RFTN1: variants seen among roughly 807,000 people sequenced by gnomAD.
The protein encoded by RFTN1 is raftlin.
In RFTN1, 26 loss-of-function variants were observed where a neutral mutation model predicts 46.5. The ratio of observed to expected loss-of-function variants is 0.56; its 90% CI spans 0.41 to 0.78. The LOEUF is 0.78. Ranked by LOEUF, RFTN1 falls within the 30% of genes least tolerant of loss-of-function variation. The pLI, the probability that RFTN1 is intolerant of heterozygous loss-of-function variation, is 0.00. For missense variants in RFTN1, 693 were observed against 718.7 expected, an observed-to-expected ratio of 0.96 and a Z score of 0.41; for synonymous variants, 261 against 284.2, an observed-to-expected ratio of 0.92 and a Z score of 0.82.
At chr3:16,368,531 C>T (rs565533862) in intron 6 of RFTN1, among the ~76,000 whole-genome samples, 204 of 152,168 alleles carry the variant, frequency 1.3e-3, no homozygotes, top group African/African-American at 4.5e-3. Context: ...AATTAGCCTG[C>T]GTGGTGGCGG....
rs769708921 is a variant in RFTN1 at position 16,374,810 on chromosome 3, G to C, written c.826+2908C>G. Among the ~76,000 whole-genome samples, 1 of 152,162 alleles carries C rather than the reference G, an allele frequency of 6.6e-6. No homozygotes were observed. Among genetic ancestry groups the C allele is most frequent in the Non-Finnish European group, 1.5e-5 (1 of 68,030 alleles). On this transcript the variant is annotated intron_variant, in intron 5 of 9. Coordinates refer to ENST00000334133, the MANE Select transcript of RFTN1 (RefSeq NM_015150.2). This position sits in a 1 kb window ranked among gnomAD's most constrained non-coding sequence, Gnocchi z 5.4. ...CTCCAACCAAAAGGAAATTCCCCCA[G>C]ACCAGGAAATAAGTCAGCGAGCAGG...
chr3:16,501,277 T>C (rs1470188395), intron 1 of RFTN1, among the ~76,000 whole-genome samples: 1 of 152,188 alleles, frequency 6.6e-6, no homozygotes, highest in African/African-American at 2.4e-5. Flanking sequence ...TTTAAAAGTA[T>C]CCTAATTTGT....
chr3:16,467,692 G>T (rs940733864), intron 2 of RFTN1, among the ~76,000 whole-genome samples: 1 of 152,202 alleles, frequency 6.6e-6, no homozygotes, highest in Non-Finnish European at 1.5e-5. Flanking sequence ...GATGCAAAAA[G>T]CCAACGGCAG....
rs1434399830 is a variant in RFTN1, at chr3:16,403,661, T to A, written c.441+5714A>T. Among the ~76,000 whole-genome samples the A allele has an allele frequency of 1.2e-3, 44 of 35,588 alleles. 1 individual carries two copies. The highest frequency in any genetic ancestry group is 9.4e-3 in the Middle Eastern group (1 of 106). The allele number at this position is 35,588 out of a possible 152,430, so 23.3% of individuals were successfully genotyped here. A position where few individuals can be genotyped will look rare whatever the true frequency, so the allele number is the denominator to read the frequency against. ...TATATAATATATATATAATATATAT[T>A]TTATGTATATAATATATAATATATA... On this transcript the variant is annotated intron_variant, in intron 4 of 9. Transcript: ENST00000334133.
chr3:16,402,942 T>C lies in RFTN1; in HGVS notation c.441+6433A>G, dbSNP rs2074640724. On this transcript the variant is annotated intron_variant, in intron 4 of 9. Transcript: ENST00000334133. The surrounding 1 kb of genome is among the most constrained non-coding windows in gnomAD (Gnocchi z 4.5). ...AGCTCCATCACAAAAGGGAGTCAACTTGGGGAACAGAGCCCAGAGCTGAGG... is the reference window on the plus strand; with the variant it reads ...AGCTCCATCACAAAAGGGAGTCAACCTGGGGAACAGAGCCCAGAGCTGAGG... Among the ~76,000 whole-genome samples, 1 of 152,114 alleles carries C rather than the reference T, an allele frequency of 6.6e-6. No individual in the cohort carries two copies. Among genetic ancestry groups the C allele is most frequent in the African/African-American group, 2.4e-5 (1 of 41,404 alleles).
Position 16,451,339 on chromosome 3 carries a change from T to C in RFTN1, c.146-17302A>G, listed in dbSNP as rs1037625729. 6.6e-6 allele frequency among the ~76,000 whole-genome samples: 1 copy of C among 152,174 alleles called. No individual in the cohort carries two copies. Among genetic ancestry groups the C allele is most frequent in the African/African-American group, 2.4e-5 (1 of 41,444 alleles). On this transcript the variant is annotated intron_variant, in intron 2 of 9. Transcript: ENST00000334133. The surrounding 1 kb of genome is among the most constrained non-coding windows in gnomAD (Gnocchi z 4.2). ...AAGCCTTCATTCCTTCCAGGACACATGGTAGATGCCCCTGCATGCTGGACA... is the reference window on the plus strand; with the variant it reads ...AAGCCTTCATTCCTTCCAGGACACACGGTAGATGCCCCTGCATGCTGGACA...
intron 2 of RFTN1, among the ~76,000 whole-genome samples, chr3:16,492,847 C>A (rs137938175): frequency 4.4e-4 from 67 of 152,344 alleles, no homozygotes; most frequent in Non-Finnish European, 7.8e-4. Flanking sequence ...GACTTCCCCC[C>A]CAACACTGGC....
rs1348899682 is a variant in RFTN1 at position 16,317,735 on chromosome 3, C to A, written c.1333-503G>T. On this transcript the variant is annotated intron_variant, in intron 9 of 9. Transcript: ENST00000334133. This position sits in a 1 kb window ranked among gnomAD's most constrained non-coding sequence, Gnocchi z 4.3. Reference sequence around the variant, plus strand: ...GACACTGTGCTGTACCGCTCAGATCCCCCCACAGGACTGGCGGGCCCGCTC... The same window carrying A: ...GACACTGTGCTGTACCGCTCAGATCACCCCACAGGACTGGCGGGCCCGCTC... Among the ~76,000 whole-genome samples, 1 of 151,246 alleles carries A rather than the reference C, an allele frequency of 6.6e-6. No individual in the cohort carries two copies. Among genetic ancestry groups the A allele is most frequent in the African/African-American group, 2.5e-5 (1 of 40,634 alleles).
intron 5 of RFTN1, among the ~76,000 whole-genome samples, chr3:16,375,321 G>A (rs1267694839): frequency 6.6e-6 from 1 of 152,024 alleles, no homozygotes; most frequent in Non-Finnish European, 1.5e-5. Flanking sequence ...AGGGTCCCTG[G>A]ACGTTCAGCC....
chr3:16,400,008 C>T lies in RFTN1; in HGVS notation c.441+9367G>A, dbSNP rs2074562638. 6.6e-6 allele frequency among the ~76,000 whole-genome samples: 1 copy of T among 152,136 alleles called. No homozygotes were observed. The highest frequency in any genetic ancestry group is 2.1e-4 in the South Asian group (1 of 4,832). The stretch of plus-strand genomic sequence containing the variant: ...GGTCCTAACCACACCCACTCTTGAC[C>T]CAGAAGCCAGTCACTAACCTGCAGC... On this transcript the variant is annotated intron_variant, in intron 4 of 9. Coordinates refer to ENST00000334133, the MANE Select transcript of RFTN1 (RefSeq NM_015150.2). The surrounding 1 kb of genome is among the most constrained non-coding windows in gnomAD (Gnocchi z 4.5).
intron 7 of RFTN1, among the ~76,000 whole-genome samples, chr3:16,355,920 A>G (rs1034899653): frequency 2.0e-5 from 3 of 152,232 alleles, no homozygotes; most frequent in African/African-American, 4.8e-5. Context: ...TTTAATATAC[A>G]GACAGCAGGA....
In RFTN1 at chr3:16,377,752, G is replaced by T; in HGVS notation, c.792C>A (p.Asn264Lys). The part of the protein sequence containing the change: ...VSKTLDGPES[N>K]PLEVHEEPLS... ...GTGGCTCTTCATGCACCTCCAAGGG[G>T]TTGCTCTCCGGTCCATCCAGTGTCT... Residue 264 changes from asparagine to lysine, a missense_variant, in exon 5 of 10, where the codon AAC (asparagine) becomes AAA (lysine). Coordinates refer to ENST00000334133, the MANE Select transcript of RFTN1 (RefSeq NM_015150.2). 2.5e-6 allele frequency: 4 copies of T among 1,609,020 alleles called. No homozygotes were observed. The highest frequency in any genetic ancestry group is 2.2e-5 in the East Asian group (1 of 44,726).
intron 4 of RFTN1, among the ~76,000 whole-genome samples, chr3:16,403,657 ATATT>A (rs374274802): frequency 3.6e-4 from 13 of 36,240 alleles, no homozygotes; most frequent in South Asian, 8.0e-4. Context: ...TATATAATAT[ATATT>A]TTATGTATAT....
rs186890617 is a variant in RFTN1 at position 16,475,888 on chromosome 3, T to C, written c.145+17837A>G. Among the ~76,000 whole-genome samples the C allele has an allele frequency of 2.0e-5, 3 of 152,130 alleles. No homozygotes were observed. Among genetic ancestry groups the C allele is most frequent in the East Asian group, 3.9e-4 (2 of 5,192 alleles). The stretch of plus-strand genomic sequence containing the variant: ...TATCCTACAGACTGAACCAGGAAAA[T>C]AATTTATGCCACCCAGAGACAGACA... On this transcript the variant is annotated intron_variant, in intron 2 of 9. Coordinates refer to ENST00000334133, the MANE Select transcript of RFTN1 (RefSeq NM_015150.2). This position sits in a 1 kb window ranked among gnomAD's most constrained non-coding sequence, Gnocchi z 4.2.
chr3:16,367,294 T>C (rs372573431), intron 6 of RFTN1, among the ~76,000 whole-genome samples: 16 of 151,480 alleles, frequency 1.1e-4, no homozygotes, highest in African/African-American at 3.6e-4. Flanking sequence ...ATTTTTTTTC[T>C]TAATTCTGGG....
Position 16,337,285 on chromosome 3 carries a change from G to GA in RFTN1, c.1147-10410dup, listed in dbSNP as rs1219496757. On this transcript the variant is annotated intron_variant, in intron 7 of 9. Transcript: ENST00000334133. The surrounding 1 kb of genome is among the most constrained non-coding windows in gnomAD (Gnocchi z 5.0). ...TTAGTCGATTTCCTAAAAGTTGAAG[G>GA]AAAAATCACCCAGCTGACCTGTTTG... is the stretch of plus-strand genomic sequence containing the variant. 6.6e-6 allele frequency: 1 copy of GA among 152,156 alleles called. No homozygotes were observed. The highest frequency in any genetic ancestry group is 1.5e-5 in the Non-Finnish European group (1 of 68,024). The allele number at this position is 152,156 out of a possible 1,614,324, so 9.4% of individuals were successfully genotyped here. A position where few individuals can be genotyped will look rare whatever the true frequency, so the allele number is the denominator to read the frequency against.
Position 16,317,028 on chromosome 3 carries a change from G to A in RFTN1, c.1537C>T (p.Gln513Ter), listed in dbSNP as rs1273793896. Residue 513 changes from glutamine to a stop codon, truncating the protein, a stop_gained, in exon 10 of 10, where the codon CAA becomes TAA. Coordinates refer to ENST00000334133, the MANE Select transcript of RFTN1 (RefSeq NM_015150.2). LOFTEE classifies it low-confidence loss of function (END_TRUNC). This position sits in a 1 kb window ranked among gnomAD's most constrained non-coding sequence, Gnocchi z 4.3. ...GVSEEMKGPV[Q>*]EDKGEQLSPG... is the part of the protein sequence containing the mutation. ...GACAGCTGTTCTCCCTTGTCCTCTTGGACAGGGCCCTTCATCTCCTCGGAG... is the reference window on the plus strand; with the variant it reads ...GACAGCTGTTCTCCCTTGTCCTCTTAGACAGGGCCCTTCATCTCCTCGGAG... The A allele has an allele frequency of 1.2e-6, 2 of 1,613,622 alleles. No individual in the cohort carries two copies. The highest frequency in any genetic ancestry group is 1.7e-4 in the Middle Eastern group (1 of 6,056).
Position 16,446,571 on chromosome 3 carries a change from T to A in RFTN1, c.146-12534A>T, listed in dbSNP as rs1407597576. 1.3e-5 allele frequency among the ~76,000 whole-genome samples: 2 copies of A among 152,098 alleles called. No homozygotes were observed. The highest frequency in any genetic ancestry group is 1.3e-4 in the Admixed American group (2 of 15,266). On this transcript the variant is annotated intron_variant, in intron 2 of 9. Coordinates refer to ENST00000334133, the MANE Select transcript of RFTN1 (RefSeq NM_015150.2). This position sits in a 1 kb window ranked among gnomAD's most constrained non-coding sequence, Gnocchi z 4.5. Reference sequence around the variant, plus strand: ...GCTGAGTTGGGATAATTCAAAAACATGCCACTGGGAAAATCAAAGGTTGAT... The same window carrying A: ...GCTGAGTTGGGATAATTCAAAAACAAGCCACTGGGAAAATCAAAGGTTGAT...
At position 16,410,580 on chromosome 3, in the gene RFTN1, A is replaced by G. The variant is rs564337085; in HGVS notation, c.333-1097T>C. 6.6e-6 allele frequency among the ~76,000 whole-genome samples: 1 copy of G among 152,334 alleles called. No homozygotes were observed. The highest frequency in any genetic ancestry group is 6.5e-5 in the Admixed American group (1 of 15,300). ...TTTAGAGGGCAATCTGGCAAAATCTATGGAAATTAAAGATGCATTAAAGAA... is the reference window on the plus strand; with the variant it reads ...TTTAGAGGGCAATCTGGCAAAATCTGTGGAAATTAAAGATGCATTAAAGAA... On this transcript the variant is annotated intron_variant, in intron 3 of 9. Coordinates refer to ENST00000334133, the MANE Select transcript of RFTN1 (RefSeq NM_015150.2). This position sits in a 1 kb window ranked among gnomAD's most constrained non-coding sequence, Gnocchi z 4.6.
Sources: gnomAD v4.1 joint callset for allele counts (sites outside exome capture counted in the v4.1 genomes callset) on GRCh38, gnomAD v4.1.1 for gene constraint, Gnocchi (gnomAD v3.1) non-coding constraint, MANE v1.5 for transcripts, NCBI Gene and HGNC (gene_info 2026-07-23, HGNC 2026-07-21) for gene names.